Variants in SPPL3 observed in about 807,000 individuals in gnomAD.
SPPL3 encodes signal peptide peptidase like 3, also known as signal peptide peptidase-like 3.
Under a neutral mutation model 42.4 loss-of-function variants are expected in SPPL3, and 5 were observed. The observed-to-expected ratio is 0.12, with a 90% CI of 0.06 to 0.25. The LOEUF is 0.25. SPPL3 is among the 10% of genes least tolerant of loss of function. The pLI, the probability that SPPL3 is intolerant of heterozygous loss-of-function variation, is 1.00. For missense variants in SPPL3, 235 were observed against 489.0 expected, an observed-to-expected ratio of 0.48 and a Z score of 4.90; for synonymous variants, 195 against 181.8, an observed-to-expected ratio of 1.07 and a Z score of -0.58.
chr12:120,779,462 T>C (rs1309402259), intron 6 of SPPL3, among the ~76,000 whole-genome samples: 1 of 152,246 alleles, frequency 6.6e-6, no homozygotes. Context: ...GTACCCCAGA[T>C]TTTCAAATTC....
intron 1 of SPPL3, among the ~76,000 whole-genome samples, chr12:120,869,925 G>T (rs565313863): frequency 6.6e-6 from 1 of 152,278 alleles, no homozygotes; most frequent in Non-Finnish European, 1.5e-5. Flanking sequence ...CTGAAAACTG[G>T]ATTTCACTGG....
chr12:120,832,603 T>C (rs111927418), intron 1 of SPPL3, among the ~76,000 whole-genome samples: 6,363 of 151,994 alleles, frequency 0.042, 187 homozygotes, highest in South Asian at 0.12. Flanking sequence ...AACCCGGAGG[T>C]TGCAGTGAGC....
At chr12:120,854,053 A>C (rs116492731) in intron 1 of SPPL3, among the ~76,000 whole-genome samples, 1 of 150,744 alleles carries the variant, frequency 6.6e-6, no homozygotes, top group African/African-American at 2.4e-5. Context: ...GAGGGAGAAG[A>C]AAACCCCACA....
chr12:120,810,703 A>T, intron 2 of SPPL3, 106 bp downstream of exon 2: 1 of 820,148 alleles, frequency 1.2e-6, no homozygotes, highest in East Asian at 2.5e-5. Context: ...AATCCTGCCG[A>T]AGTCCTGTTT....
At chr12:120,839,789 T>A (rs1045346824) in intron 1 of SPPL3, among the ~76,000 whole-genome samples, 4 of 151,964 alleles carry the variant, frequency 2.6e-5, no homozygotes, top group African/African-American at 7.3e-5. Flanking sequence ...AGTTACCATA[T>A]GACCCAGCAA....
intron 1 of SPPL3, among the ~76,000 whole-genome samples, chr12:120,823,222 T>TG (rs141850502): frequency 0.82 from 86,954 of 106,256 alleles, 34,153 homozygotes; most frequent in Non-Finnish European, 0.87. Context: ...GGGTGGGGGG[T>TG]GGGGGGGCGG....
At chr12:120,799,526 G>A (rs1870217163) in intron 2 of SPPL3, among the ~76,000 whole-genome samples, 1 of 152,134 alleles carries the variant, frequency 6.6e-6, no homozygotes, top group Non-Finnish European at 1.5e-5. Flanking sequence ...GACAAGAACT[G>A]CAGCAGGGAC....
intron 1 of SPPL3, among the ~76,000 whole-genome samples, chr12:120,888,742 G>A (rs1200206880): frequency 6.6e-6 from 1 of 152,172 alleles, no homozygotes; most frequent in African/African-American, 2.4e-5. Flanking sequence ...GCCCAACTCT[G>A]TAGATATAAT....
intron 1 of SPPL3, among the ~76,000 whole-genome samples, chr12:120,859,401 A>G (rs1231004493): frequency 1.3e-5 from 2 of 152,210 alleles, no homozygotes; most frequent in Non-Finnish European, 2.9e-5. Flanking sequence ...CCTTCCTTAT[A>G]AGACAAAGAT....
intron 1 of SPPL3, among the ~76,000 whole-genome samples, chr12:120,871,290 TAAA>T (rs1426632191): frequency 6.6e-6 from 1 of 151,640 alleles, no homozygotes; most frequent in African/African-American, 2.4e-5. Context: ...TTTTAAAAAG[TAAA>T]AAGAAAAAAA....
chr12:120,803,912 A>G (rs904412343), intron 2 of SPPL3, among the ~76,000 whole-genome samples: 1 of 152,216 alleles, frequency 6.6e-6, no homozygotes, highest in African/African-American at 2.4e-5. Context: ...ATTACACACA[A>G]TTAGAACATC....
intron 1 of SPPL3, among the ~76,000 whole-genome samples, chr12:120,841,069 T>C (rs886233004): frequency 2.0e-5 from 3 of 152,108 alleles, no homozygotes; most frequent in Non-Finnish European, 4.4e-5. Flanking sequence ...CTCATACCTA[T>C]AATCCCAGCA....
At chr12:120,821,434 G>A (rs562637315) in intron 1 of SPPL3, among the ~76,000 whole-genome samples, 9 of 152,338 alleles carry the variant, frequency 5.9e-5, no homozygotes, top group Admixed American at 2.6e-4. Flanking sequence ...TAAGGCAAGG[G>A]AAAGAAATTA....
chr12:120,765,068 G>A lies in SPPL3; in HGVS notation c.1086C>T (p.Gly362=), dbSNP rs773381627. 22 of 1,613,020 alleles carry A rather than the reference G, an allele frequency of 1.4e-5. No homozygotes were observed. Among genetic ancestry groups the A allele is most frequent in the East Asian group, 2.2e-5 (1 of 44,874 alleles). ...GCTCAGACCACATCCGCCGGAGGTCGCCCTGGGAAACAAGGGACTTTCTAA... is the reference window on the plus strand; with the variant it reads ...GCTCAGACCACATCCGCCGGAGGTCACCCTGGGAAACAAGGGACTTTCTAA... The part of the protein sequence containing the change: ...LPLLTMAYLK[G]DLRRMWSEPF... The change falls in exon 11 of 11, where the codon GGC becomes GGT. Residue 362 remains glycine, a splice_region_variant and synonymous_variant. Transcript: ENST00000353487.
chr12:120,845,703 C>A, intron 1 of SPPL3: 1 of 274,984 alleles, frequency 3.6e-6, no homozygotes, highest in Non-Finnish European at 7.5e-6. Context: ...ACCTCAGTGG[C>A]TGCTGCTCCG....
intron 3 of SPPL3, among the ~76,000 whole-genome samples, chr12:120,788,153 G>A (rs1297384820): frequency 6.6e-6 from 1 of 152,188 alleles, no homozygotes; most frequent in Non-Finnish European, 1.5e-5. Context: ...CTTTGCTGTT[G>A]CTGTGCATCC....
intron 1 of SPPL3, among the ~76,000 whole-genome samples, chr12:120,843,862 G>A (rs1871923806): frequency 6.6e-6 from 1 of 152,220 alleles, no homozygotes; most frequent in Admixed American, 6.5e-5. Context: ...GGAGGCTGAA[G>A]CAGGAGAATC....
At chr12:120,773,331 G>A (rs1234815606) in intron 6 of SPPL3, among the ~76,000 whole-genome samples, 1 of 152,240 alleles carries the variant, frequency 6.6e-6, no homozygotes, top group Non-Finnish European at 1.5e-5. Context: ...TCGGGCCAGA[G>A]CACAGGTGAG....
At chr12:120,785,352 A>G (rs1191193273) in intron 3 of SPPL3, among the ~76,000 whole-genome samples, 2 of 152,180 alleles carry the variant, frequency 1.3e-5, no homozygotes, top group African/African-American at 4.8e-5. Flanking sequence ...GATTTAGCGC[A>G]AGGGTTCTCA....
Sources: gnomAD v4.1 joint callset for allele counts (sites outside exome capture counted in the v4.1 genomes callset) on GRCh38, gnomAD v4.1.1 for gene constraint, MANE v1.5 for transcripts, NCBI Gene and HGNC (gene_info 2026-07-23, HGNC 2026-07-21) for gene names.